Variants in WRN observed in about 807,000 individuals in gnomAD.
WRN encodes WRN RecQ like helicase.
Under a neutral mutation model 180.7 loss-of-function variants are expected in WRN, and 149 were observed. The ratio of observed to expected loss-of-function variants is 0.82; its 90% CI spans 0.72 to 0.94. The LOEUF (loss-of-function observed/expected upper bound fraction) is 0.94. Among genes scored for constraint, WRN ranks in the 40% least tolerant of loss-of-function variants. The pLI is 0.00. For synonymous variants in WRN, 548 were observed against 568.9 expected (o/e 0.96, Z 0.52); for missense variants, 1,661 against 1,700.1 (o/e 0.98, Z 0.40).
intron 8 of WRN, among the ~76,000 whole-genome samples, chr8:31,077,251 C>CTTTTTTTTTTTTTTTTCT (rs1296265714): frequency 6.6e-6 from 1 of 151,668 alleles, no homozygotes; most frequent in African/African-American, 2.4e-5. Flanking sequence ...ATGTAACTTT[C>CTTTTTTTTTTTTTTTTCT]TTTTTTTTGA....
chr8:31,143,064 C>CACACACATACAT lies in WRN; in HGVS notation c.3309+363_3309+364insACACACATACAT, dbSNP rs1489579629. ...ACACACACACACACACATTCTCTCT[C>CACACACATACAT]TCTCTCTCTCACACACACACACATG... On this transcript the variant is annotated intron_variant, in intron 27 of 34. Coordinates refer to ENST00000298139, the MANE Select transcript of WRN (RefSeq NM_000553.6). 5.1e-4 allele frequency among the ~76,000 whole-genome samples: 68 copies of CACACACATACAT among 132,802 alleles called. 1 individual carries two copies. Among genetic ancestry groups the CACACACATACAT allele is most frequent in the African/African-American group, 1.7e-3 (60 of 35,906 alleles). 87.1% of individuals were successfully genotyped at this position (132,802 alleles called of 152,430 possible). A position where few individuals can be genotyped will look rare whatever the true frequency, so the allele number is the denominator to read the frequency against.
At position 31,175,366 on chromosome 8, in the gene WRN, C is replaced by T. The variant is rs1020693697; in HGVS notation, c.*2264C>T. On this transcript the variant is annotated 3_prime_UTR_variant, in exon 35 of 35. Coordinates refer to ENST00000298139, the MANE Select transcript of WRN (RefSeq NM_000553.6). ...AGGAGAATCGCTTGAACTCAGGAGG[C>T]GGAGATTGCAGTGAGCTGAGACTGC... 3.9e-5 allele frequency among the ~76,000 whole-genome samples: 6 copies of T among 152,044 alleles called. No individual in the cohort carries two copies. The highest frequency in any genetic ancestry group is 2.1e-4 in the South Asian group (1 of 4,820).
At chr8:31,131,156 C>CCTTCTTTTTTTTT (rs1802150046) in intron 23 of WRN, among the ~76,000 whole-genome samples, 1 of 19,360 alleles carries the variant, frequency 5.2e-5, no homozygotes, top group Non-Finnish European at 1.1e-4. Flanking sequence ...CAAATTGCAA[C>CCTTCTTTTTTTTT]TTTCTTTTTT....
intron 28 of WRN, among the ~76,000 whole-genome samples, chr8:31,144,644 A>G (rs1286218461): frequency 1.3e-5 from 2 of 152,078 alleles, no homozygotes; most frequent in Non-Finnish European, 2.9e-5. Context: ...GCCCATCTCT[A>G]AGTGTTTAAG....
At chr8:31,159,329 A>G (rs1176452435) in intron 33 of WRN, among the ~76,000 whole-genome samples, 1 of 151,718 alleles carries the variant, frequency 6.6e-6, no homozygotes, top group Non-Finnish European at 1.5e-5. Flanking sequence ...AAAAAGTAAC[A>G]GTAGACGCTG....
chr8:31,071,045 G>GAAA (rs3056744), intron 7 of WRN, among the ~76,000 whole-genome samples: 1 of 117,828 alleles, frequency 8.5e-6, no homozygotes. Flanking sequence ...CTCTGTCTCA[G>GAAA]AAAAAAAAAA....
At chr8:31,102,748 A>C (rs1243650626) in intron 18 of WRN, among the ~76,000 whole-genome samples, 1 of 152,208 alleles carries the variant, frequency 6.6e-6, no homozygotes, top group Non-Finnish European at 1.5e-5. Context: ...CTAGGACATT[A>C]CTGTACACTA....
At chr8:31,128,119 A>G (rs1428275718) in intron 23 of WRN, among the ~76,000 whole-genome samples, 3 of 152,036 alleles carry the variant, frequency 2.0e-5, no homozygotes, top group Non-Finnish European at 2.9e-5. Context: ...CAGCAAATAC[A>G]TAAAGCACAA....
intron 11 of WRN, among the ~76,000 whole-genome samples, chr8:31,086,438 G>A (rs567651576): frequency 3.3e-5 from 5 of 152,048 alleles, no homozygotes; most frequent in African/African-American, 4.8e-5. Flanking sequence ...GCTGGGTGTG[G>A]TGGCATGTGC....
chr8:31,150,229 CATT>C (rs1290319645), intron 30 of WRN, 109 bp from the exon 31 acceptor site: 2 of 858,364 alleles, frequency 2.3e-6, no homozygotes, highest in African/African-American at 3.4e-5. Context: ...AAAAACTATA[CATT>C]TATTGAGAGA....
chr8:31,126,366 G>A (rs1223319484), intron 23 of WRN, among the ~76,000 whole-genome samples: 1 of 152,094 alleles, frequency 6.6e-6, no homozygotes, highest in Non-Finnish European at 1.5e-5. Context: ...CTAAACCTTA[G>A]AAATTAAATA....
intron 18 of WRN, among the ~76,000 whole-genome samples, chr8:31,103,094 G>A (rs1017269186): frequency 2.0e-5 from 3 of 152,068 alleles, no homozygotes; most frequent in Non-Finnish European, 2.9e-5. Flanking sequence ...CATCAATGTT[G>A]CTGTCTTCCA....
Position 31,124,892 on chromosome 8 carries a change from A to G in WRN, c.2733-16A>G, listed in dbSNP as rs2130344195. 6.2e-7 allele frequency: 1 copy of G among 1,608,226 alleles called. No individual in the cohort carries two copies. The highest frequency in any genetic ancestry group is 8.5e-7 in the Non-Finnish European group (1 of 1,175,584). ...TTTCTGTTCTTTTATTTAATTTAAA[A>G]TTTTGTCTTGGGTAGAATCATCTTG... On this transcript the variant is annotated splice_polypyrimidine_tract_variant and intron_variant, in intron 22 of 34. Transcript: ENST00000298139.
chr8:31,073,368 A>G (rs1231429323), intron 7 of WRN, among the ~76,000 whole-genome samples: 4 of 152,234 alleles, frequency 2.6e-5, no homozygotes, highest in African/African-American at 9.6e-5. Context: ...TGAGATGTAA[A>G]GATTCATAGA....
chr8:31,085,927 A>C (rs1054903188), intron 11 of WRN, among the ~76,000 whole-genome samples: 1 of 151,888 alleles, frequency 6.6e-6, no homozygotes, highest in Admixed American at 6.6e-5. Flanking sequence ...AATCATCTTT[A>C]CTTTCTTTGG....
intron 33 of WRN, among the ~76,000 whole-genome samples, chr8:31,159,431 C>T (rs1384085922): frequency 6.6e-6 from 1 of 152,062 alleles, no homozygotes. Flanking sequence ...TGCTCACTAT[C>T]TGGGTGATGG....
rs1188446332 is a variant in WRN, at chr8:31,133,474, G to GC, written c.2967+968_2967+969insC. ...TGGGAGGCGGAGCTTGCAGTGAGCT[G>GC]AGATTGTGCCACTGCACTCCAGCCT... On this transcript the variant is annotated intron_variant, in intron 24 of 34. Coordinates refer to ENST00000298139, the MANE Select transcript of WRN (RefSeq NM_000553.6). 4.6e-5 allele frequency among the ~76,000 whole-genome samples: 7 copies of GC among 151,876 alleles called. No individual in the cohort carries two copies. In the East Asian group the frequency reaches 1.2e-3, roughly 25 times the overall value.
intron 17 of WRN, among the ~76,000 whole-genome samples, chr8:31,099,074 A>AAG (rs1278912544): frequency 1.1e-4 from 17 of 150,512 alleles, no homozygotes; most frequent in African/African-American, 2.2e-4. Flanking sequence ...GAAAGAAAGA[A>AAG]AGAGAGAGAG....
At chr8:31,113,359 G>T (rs1801392075) in intron 19 of WRN, among the ~76,000 whole-genome samples, 1 of 152,162 alleles carries the variant, frequency 6.6e-6, no homozygotes, top group African/African-American at 2.4e-5. Context: ...AGGAATAATT[G>T]AAATGTAGGA....
Sources: allele counts gnomAD v4.1 joint callset (sites outside exome capture counted in the v4.1 genomes callset), GRCh38; gene constraint gnomAD v4.1.1; transcripts MANE v1.5; gene names NCBI Gene and HGNC (gene_info 2026-07-23, HGNC 2026-07-21).